The following NEGR1 variants were observed in gnomAD, a reference collection of about 807,000 sequenced individuals.
NEGR1 encodes the protein IgLON family member 4.
NEGR1 carries 10 observed loss-of-function variants against 40.9 expected under a neutral mutation model. The ratio of observed to expected loss-of-function variants is 0.24; its 90% CI spans 0.15 to 0.42. The LOEUF is 0.42. Among genes scored for constraint, NEGR1 ranks in the 10% least tolerant of loss-of-function variants. NEGR1 has a pLI of 1.00. For synonymous variants in NEGR1, 185 were observed against 166.8 expected (o/e 1.11, Z -0.84); for missense variants, 352 against 438.9 (o/e 0.80, Z 1.77).
intron 2 of NEGR1, among the ~76,000 whole-genome samples, chr1:71,831,322 G>GA (rs1355830193): frequency 3.3e-5 from 5 of 151,744 alleles, no homozygotes; most frequent in Admixed American, 3.3e-4. Flanking sequence ...TTTTTAGAGA[G>GA]AAAAAAATTG....
At chr1:71,538,947 G>A (rs560853686) in intron 6 of NEGR1, among the ~76,000 whole-genome samples, 3 of 151,808 alleles carry the variant, frequency 2.0e-5, no homozygotes, top group East Asian at 2.0e-4. Flanking sequence ...TTACTAATAG[G>A]TTATAATAGT....
intron 2 of NEGR1, among the ~76,000 whole-genome samples, chr1:71,912,789 T>G (rs143417702): frequency 6.6e-6 from 1 of 150,736 alleles, no homozygotes; most frequent in Admixed American, 6.6e-5. Flanking sequence ...AATGGATAGA[T>G]GGATAGATGT....
intron 6 of NEGR1, among the ~76,000 whole-genome samples, chr1:71,465,293 AG>A (rs1569905608): frequency 6.6e-6 from 1 of 152,092 alleles, no homozygotes; most frequent in East Asian, 1.9e-4. Context: ...TGAATATGAC[AG>A]TCTCTGCCTT....
chr1:71,873,215 T>A (rs1280141637), intron 2 of NEGR1, among the ~76,000 whole-genome samples: 2 of 151,388 alleles, frequency 1.3e-5, no homozygotes, highest in Non-Finnish European at 2.9e-5. Flanking sequence ...AACATTTATA[T>A]TTGCAAAGTA....
intron 1 of NEGR1, among the ~76,000 whole-genome samples, chr1:72,170,797 T>C (rs1340488180): frequency 6.6e-6 from 1 of 152,198 alleles, no homozygotes; most frequent in Non-Finnish European, 1.5e-5. Flanking sequence ...GACTTCTTCC[T>C]AAATAAAGTC....
intron 1 of NEGR1, among the ~76,000 whole-genome samples, chr1:72,268,055 C>T (rs1427812708): frequency 6.6e-6 from 1 of 151,340 alleles, no homozygotes; most frequent in Non-Finnish European, 1.5e-5. Flanking sequence ...ACATACTCTA[C>T]TCTTCACGGT....
intron 4 of NEGR1, among the ~76,000 whole-genome samples, chr1:71,629,395 T>A (rs1043791960): frequency 6.6e-6 from 1 of 152,094 alleles, no homozygotes; most frequent in Non-Finnish European, 1.5e-5. Flanking sequence ...TTTGTTTGTG[T>A]CTTCTCTTAT....
At chr1:71,495,910 C>T (rs745720075) in intron 6 of NEGR1, among the ~76,000 whole-genome samples, 110 of 152,144 alleles carry the variant, frequency 7.2e-4, no homozygotes, top group Non-Finnish European at 1.5e-4. Flanking sequence ...GTGTCATCAA[C>T]TCTCCAGGGA....
At chr1:71,739,751 G>T (rs1228772455) in intron 3 of NEGR1, among the ~76,000 whole-genome samples, 1 of 152,038 alleles carries the variant, frequency 6.6e-6, no homozygotes, top group East Asian at 1.9e-4. Flanking sequence ...AAAAATCACT[G>T]CCTTCATGAA....
rs116915462 is a variant in NEGR1 at position 71,494,202 on chromosome 1, C to T, written c.941-86632G>A. Among the ~76,000 whole-genome samples the T allele has an allele frequency of 9.9e-4, 151 of 152,266 alleles. No individual in the cohort carries two copies. The East Asian group carries it at 0.016, about 17-fold the overall frequency. ...TTAACAAGGTGATTTATGATGGGGA[C>T]TTTGAGGCCATGCTATATCACCTCT... On this transcript the variant is annotated intron_variant, in intron 6 of 6. Coordinates refer to ENST00000357731, the MANE Select transcript of NEGR1 (RefSeq NM_173808.3).
chr1:71,527,068 C>T (rs182381384), intron 6 of NEGR1, among the ~76,000 whole-genome samples: 254 of 151,626 alleles, frequency 1.7e-3, no homozygotes, highest in African/African-American at 5.6e-3. Flanking sequence ...TTTTTAAAGC[C>T]ATATCTGAGT....
intron 6 of NEGR1, among the ~76,000 whole-genome samples, chr1:71,571,778 C>G (rs1360265216): frequency 7.8e-6 from 1 of 127,744 alleles, no homozygotes; most frequent in African/African-American, 3.0e-5. Context: ...ACAGAGGGAG[C>G]CCCTGTCTCA....
chr1:71,777,175 G>A lies in NEGR1; in HGVS notation c.410-878C>T, dbSNP rs1046083846. Among the ~76,000 whole-genome samples the A allele has an allele frequency of 2.0e-5, 3 of 152,222 alleles. No individual in the cohort carries two copies. The South Asian group carries it at 6.2e-4, about 31-fold the overall frequency. Reference sequence around the variant, plus strand: ...AAATGTCTCATTGAATCCTCAAAGAGCATGGGTATAAATCTCTATTGGCTA... The same window carrying A: ...AAATGTCTCATTGAATCCTCAAAGAACATGGGTATAAATCTCTATTGGCTA... On this transcript the variant is annotated intron_variant, in intron 2 of 6. Coordinates refer to ENST00000357731, the MANE Select transcript of NEGR1 (RefSeq NM_173808.3).
intron 1 of NEGR1, among the ~76,000 whole-genome samples, chr1:72,250,237 T>G (rs187845057): frequency 2.3e-4 from 35 of 152,130 alleles, no homozygotes; most frequent in Non-Finnish European, 4.0e-4. Context: ...TTCCTTAAAT[T>G]GTTCTCACTT....
At position 71,969,420 on chromosome 1, in the gene NEGR1, C is replaced by T. The variant is rs549043040; in HGVS notation, c.177-34109G>A. On this transcript the variant is annotated intron_variant, in intron 1 of 6. Transcript: ENST00000357731. ...TTATACAGTATTGCCTTGCTTCTGT[C>T]ATCATGTGAGTTTAGTGAGCTCTAG... Among the ~76,000 whole-genome samples the T allele has an allele frequency of 1.2e-4, 18 of 152,294 alleles. No homozygotes were observed. The Middle Eastern group carries it at 0.01, about 86-fold the overall frequency.
At chr1:71,680,183 T>A (rs1354164895) in intron 4 of NEGR1, among the ~76,000 whole-genome samples, 1 of 151,980 alleles carries the variant, frequency 6.6e-6, no homozygotes, top group Admixed American at 6.6e-5. Context: ...TCTTGAAGAG[T>A]TTGTGTAAAT....
chr1:72,269,146 T>A (rs1417769086), intron 1 of NEGR1, among the ~76,000 whole-genome samples: 2 of 151,654 alleles, frequency 1.3e-5, no homozygotes, highest in East Asian at 3.9e-4. Flanking sequence ...AGGCAACATA[T>A]CTAATATGTT....
intron 1 of NEGR1, among the ~76,000 whole-genome samples, chr1:72,102,206 A>G (rs1434920427): frequency 3.9e-5 from 6 of 152,090 alleles, no homozygotes; most frequent in Non-Finnish European, 7.4e-5. Flanking sequence ...AAAATGTTTT[A>G]TTTGTATGAT....
intron 1 of NEGR1, among the ~76,000 whole-genome samples, chr1:72,107,692 A>G (rs1281805603): frequency 6.6e-6 from 1 of 151,346 alleles, no homozygotes; most frequent in Non-Finnish European, 1.5e-5. Context: ...TATTAGAAAA[A>G]TGACTATGTA....
Sources: gnomAD v4.1 joint callset for allele counts (sites outside exome capture counted in the v4.1 genomes callset) on GRCh38, gnomAD v4.1.1 for gene constraint, MANE v1.5 for transcripts, NCBI Gene and HGNC (gene_info 2026-07-23, HGNC 2026-07-21) for gene names.